Variants in COL5A1 observed in about 807,000 individuals in gnomAD.
COL5A1 encodes collagen type V alpha 1 chain.
COL5A1 carries 16 observed loss-of-function variants against 263.7 expected under a neutral mutation model. The observed-to-expected ratio is 0.06, with a 90% CI of 0.04 to 0.09. The LOEUF (loss-of-function observed/expected upper bound fraction) is 0.09, where lower values mean the gene tolerates loss of function less well. Ranked by LOEUF, COL5A1 falls within the 10% of genes least tolerant of loss-of-function variation. The pLI is 1.00. For missense variants in COL5A1, 2,036 were observed against 2,540.5 expected (o/e 0.80, Z 4.27); for synonymous variants, 1,012 against 1,004.5 (o/e 1.01, Z -0.14).
Position 134,842,035 on chromosome 9 carries a change from C to T in COL5A1, c.5371-122C>T, listed in dbSNP as rs1303383267. On this transcript the variant is annotated intron_variant, in intron 65 of 65. Transcript: ENST00000371817. This position sits in a 1 kb window ranked among gnomAD's most constrained non-coding sequence, Gnocchi z 5.8. ...AACACTTGCCCGGGCAAGCGCAGCC[C>T]TGGGTAGGAGACAGGACACCAGCCT... 1.4e-5 allele frequency: 16 copies of T among 1,143,290 alleles called. No individual in the cohort carries two copies. The highest frequency in any genetic ancestry group is 1.3e-4 in the Admixed American group (7 of 53,748). The allele number at this position is 1,143,290 out of a possible 1,614,324, so 70.8% of individuals were successfully genotyped here. A position where few individuals can be genotyped will look rare whatever the true frequency, so the allele number is the denominator to read the frequency against.
At position 134,645,127 on chromosome 9, in the gene COL5A1, G is replaced by A. The variant is rs567417189; in HGVS notation, c.109+2831G>A. ...GCTGTGCCCACCCAGCAGTGCGGCA[G>A]CCCCAGGCAGGGGCGTGCTCCCAGT... On this transcript the variant is annotated intron_variant, in intron 1 of 65. Transcript: ENST00000371817. 4.6e-5 allele frequency among the ~76,000 whole-genome samples: 7 copies of A among 152,324 alleles called. No homozygotes were observed. In the South Asian group the frequency reaches 1.5e-3, roughly 32 times the overall value.
Position 134,837,381 on chromosome 9 carries a change from G to C in COL5A1, c.5370+2177G>C, listed in dbSNP as rs144770111. Among the ~76,000 whole-genome samples, 216 of 152,108 alleles carry C rather than the reference G, an allele frequency of 1.4e-3. 1 individual carries two copies. The highest frequency in any genetic ancestry group is 3.4e-3 in the Middle Eastern group (1 of 294). The stretch of plus-strand genomic sequence containing the variant: ...ATGCTAGAAAGATGGATCCCACGAA[G>C]GACCCTTGGAGGTTAAAGGGCAGGC... On this transcript the variant is annotated intron_variant, in intron 65 of 65. Coordinates refer to ENST00000371817, the MANE Select transcript of COL5A1 (RefSeq NM_000093.5).
intron 11 of COL5A1, among the ~76,000 whole-genome samples, chr9:134,749,091 G>T (rs897191373): frequency 6.6e-6 from 1 of 152,178 alleles, no homozygotes; most frequent in African/African-American, 2.4e-5. Flanking sequence ...ACAAAAGTTA[G>T]CCCACGCTGG....
At chr9:134,760,297 A>AC (rs1186561511) in intron 18 of COL5A1, among the ~76,000 whole-genome samples, 4 of 46,716 alleles carry the variant, frequency 8.6e-5, no homozygotes, top group Non-Finnish European at 1.4e-4. Flanking sequence ...ACACCCCCAC[A>AC]CCCCCCACAC....
At chr9:134,808,296 A>G (rs7863862) in intron 42 of COL5A1, among the ~76,000 whole-genome samples, 9,042 of 152,184 alleles carry the variant, frequency 0.059, 903 homozygotes, top group African/African-American at 0.2. Flanking sequence ...CCCTGTCTGC[A>G]GTGAGAAAAT....
In COL5A1 at chr9:134,765,755, G is replaced by C; in HGVS notation, c.2088+21G>C. The C allele has an allele frequency of 6.2e-7, 1 of 1,609,332 alleles. No homozygotes were observed. Among genetic ancestry groups the C allele is most frequent in the South Asian group, 1.1e-5 (1 of 90,764 alleles). On this transcript the variant is annotated intron_variant, in intron 21 of 65. Transcript: ENST00000371817. This position sits in a 1 kb window ranked among gnomAD's most constrained non-coding sequence, Gnocchi z 5.1. ...CTCCCGTAAGTCCCATTACCGCCCTGCTTGTCTGCCCCCATCTCGGCCTTT... is the reference window on the plus strand; with the variant it reads ...CTCCCGTAAGTCCCATTACCGCCCTCCTTGTCTGCCCCCATCTCGGCCTTT...
intron 9 of COL5A1, among the ~76,000 whole-genome samples, chr9:134,737,510 T>C (rs895650967): frequency 2.0e-5 from 3 of 152,216 alleles, no homozygotes; most frequent in African/African-American, 4.8e-5. Context: ...CATTGTCTTG[T>C]TGAGTAGCAC....
intron 29 of COL5A1, 88 bp downstream of exon 29, chr9:134,782,808 G>A (rs1237074916): frequency 1.6e-6 from 2 of 1,277,468 alleles, no homozygotes; most frequent in East Asian, 4.6e-5. Flanking sequence ...GCCGCCACAG[G>A]GCAGCTTCTC....
At chr9:134,791,599 C>T (rs935036043) in intron 32 of COL5A1, among the ~76,000 whole-genome samples, 2 of 151,792 alleles carry the variant, frequency 1.3e-5, no homozygotes, top group African/African-American at 4.8e-5. Context: ...GCTGGGCTGT[C>T]CTTGCAAAGG....
At chr9:134,737,506 C>G (rs1292626056) in intron 9 of COL5A1, among the ~76,000 whole-genome samples, 1 of 152,212 alleles carries the variant, frequency 6.6e-6, no homozygotes, top group Non-Finnish European at 1.5e-5. Context: ...TCTCCATTGT[C>G]TTGTTGAGTA....
At chr9:134,675,443 T>A (rs909499020) in intron 1 of COL5A1, among the ~76,000 whole-genome samples, 2 of 152,264 alleles carry the variant, frequency 1.3e-5, no homozygotes, top group Admixed American at 1.3e-4. Flanking sequence ...TGTTATTTAT[T>A]TGTTCCCCCC....
intron 2 of COL5A1, among the ~76,000 whole-genome samples, chr9:134,692,719 G>T (rs2132554206): frequency 6.6e-6 from 1 of 152,294 alleles, no homozygotes. Flanking sequence ...TTCTCTGCTG[G>T]ATTATCTTGT....
intron 2 of COL5A1, among the ~76,000 whole-genome samples, chr9:134,697,899 C>T (rs1450683303): frequency 6.6e-6 from 1 of 152,180 alleles, no homozygotes; most frequent in Non-Finnish European, 1.5e-5. Flanking sequence ...GCCTGACCAA[C>T]ATGGTGAAAC....
At chr9:134,691,876 G>A (rs1417323449) in intron 2 of COL5A1, 1 of 152,236 alleles carries the variant, frequency 6.6e-6, no homozygotes, top group Non-Finnish European at 1.5e-5. Context: ...AGACAGCGCA[G>A]CATCTTTTTG....
intron 18 of COL5A1, among the ~76,000 whole-genome samples, chr9:134,761,646 GC>G (rs1472024075): frequency 2.6e-5 from 4 of 152,338 alleles, no homozygotes; most frequent in South Asian, 4.1e-4. Flanking sequence ...GTGTCCTGAG[GC>G]TGCCCACATG....
At chr9:134,740,159 G>T (rs535651118) in intron 11 of COL5A1, among the ~76,000 whole-genome samples, 2 of 152,330 alleles carry the variant, frequency 1.3e-5, no homozygotes, top group Middle Eastern at 3.4e-3. Flanking sequence ...AGCATCCCCG[G>T]CCTGGCAGCC....
At chr9:134,762,356 C>G (rs1436639497) in intron 19 of COL5A1, among the ~76,000 whole-genome samples, 1 of 152,156 alleles carries the variant, frequency 6.6e-6, no homozygotes, top group East Asian at 1.9e-4. Flanking sequence ...TAGCTGGAGG[C>G]ATGTGGGTGG....
intron 40 of COL5A1, 30 bp from the exon 41 acceptor site, chr9:134,805,131 C>G (rs1270863130): frequency 6.2e-7 from 1 of 1,613,846 alleles, no homozygotes; most frequent in Non-Finnish European, 8.5e-7. Flanking sequence ...TCCCCACGTG[C>G]CCTTGACCAA....
At chr9:134,729,545 C>T (rs1464808440) in intron 6 of COL5A1, among the ~76,000 whole-genome samples, 6 of 136,532 alleles carry the variant, frequency 4.4e-5, no homozygotes, top group East Asian at 4.5e-4. Context: ...CATGCGGGCA[C>T]GGGTGTGCAT....
Sources: gnomAD v4.1 joint callset for allele counts (sites outside exome capture counted in the v4.1 genomes callset) on GRCh38, gnomAD v4.1.1 for gene constraint, Gnocchi (gnomAD v3.1) non-coding constraint, MANE v1.5 for transcripts, NCBI Gene and HGNC (gene_info 2026-07-23, HGNC 2026-07-21) for gene names.